SNAI1: variants seen among roughly 807,000 people sequenced by gnomAD.
SNAI1 encodes zinc finger protein SNAI1.
Under a neutral mutation model 24.7 loss-of-function variants are expected in SNAI1, and 15 were observed. That is an observed-to-expected ratio of 0.61 (90% CI 0.41 to 0.93). The LOEUF (loss-of-function observed/expected upper bound fraction) is 0.93, where lower values mean the gene tolerates loss of function less well. Among genes scored for constraint, SNAI1 ranks in the 40% least tolerant of loss-of-function variants. The pLI, the probability that SNAI1 is intolerant of heterozygous loss-of-function variation, is 0.00. For synonymous variants in SNAI1, 163 were observed against 142.9 expected, an observed-to-expected ratio of 1.14 and a Z score of -1.00; for missense variants, 283 against 336.7, an observed-to-expected ratio of 0.84 and a Z score of 1.25.
chr20:49,986,142 C>A (rs927151167), intron 2 of SNAI1, among the ~76,000 whole-genome samples: 11 of 152,136 alleles, frequency 7.2e-5, no homozygotes, highest in Non-Finnish European at 1.6e-4. Flanking sequence ...CAGAGTCAGC[C>A]CTTAGTTCAC....
intron 1 of SNAI1, 53 bp downstream of exon 1, chr20:49,983,194 C>A: frequency 1.4e-6 from 2 of 1,390,304 alleles, no homozygotes; most frequent in South Asian, 1.2e-5. Context: ...CAGGCGAAGG[C>A]TGCGTGGGGG....
Position 49,984,233 on chromosome 20 carries a change from C to T in SNAI1, c.492C>T (p.Leu164=), listed in dbSNP as rs778797151. The change falls in exon 2 of 3, where the codon CTC becomes CTT. Residue 164 remains leucine, a synonymous_variant. Transcript: ENST00000244050. ...GCAAATACTGCAACAAGGAATACCTCAGCCTGGGTGCCCTCAAGATGCACA... is the reference window on the plus strand; with the variant it reads ...GCAAATACTGCAACAAGGAATACCTTAGCCTGGGTGCCCTCAAGATGCACA... ...FNCKYCNKEY[L]SLGALKMHIR... is the part of the protein sequence containing the mutation. The T allele has an allele frequency of 2.5e-6, 4 of 1,614,122 alleles. No individual in the cohort carries two copies. The highest frequency in any genetic ancestry group is 2.7e-5 in the African/African-American group (2 of 74,952).
Position 49,988,007 on chromosome 20 carries a change from C to A in SNAI1, c.746C>A (p.Ser249Tyr). The change falls in exon 3 of 3, where the codon TCC becomes TAC. Residue 249 changes from serine (S) to tyrosine (Y), a missense_variant. By Grantham distance (144) the Ser-to-Tyr change is moderately radical (BLOSUM62 -2). Transcript: ENST00000244050. ...QACARTFSRMSLLHKHQESGC... is the reference protein window; with the variant it reads ...QACARTFSRMYLLHKHQESGC... ...TGTGCTCGGACCTTCTCCCGAATGTCCCTGCTCCACAAGCACCAAGAGTCC... is the reference window on the plus strand; with the variant it reads ...TGTGCTCGGACCTTCTCCCGAATGTACCTGCTCCACAAGCACCAAGAGTCC... 1 of 1,613,204 alleles carries A rather than the reference C, an allele frequency of 6.2e-7. No individual in the cohort carries two copies. The highest frequency in any genetic ancestry group is 8.5e-7 in the Non-Finnish European group (1 of 1,179,422).
Position 49,983,010 on chromosome 20 carries a change from T to C in SNAI1, c.-50T>C, listed in dbSNP as rs201084030. ...GCCGCGGCACGGCCTAGCGAGTGGT[T>C]CTTCTGCGCTACTGCTGCGCGAATC... On this transcript the variant is annotated 5_prime_UTR_variant, in exon 1 of 3. Coordinates refer to ENST00000244050, the MANE Select transcript of SNAI1 (RefSeq NM_005985.4). 13 of 1,336,146 alleles carry C rather than the reference T, an allele frequency of 9.7e-6. No homozygotes were observed. The highest frequency in any genetic ancestry group is 9.0e-5 in the Admixed American group (5 of 55,554). 82.8% of individuals were successfully genotyped at this position (1,336,146 alleles called of 1,614,324 possible).
intron 2 of SNAI1, 51 bp from the exon 3 acceptor site, chr20:49,987,821 G>A (rs375525704): frequency 6.4e-6 from 10 of 1,555,536 alleles, no homozygotes; most frequent in African/African-American, 1.4e-5. Context: ...TCCCATCACT[G>A]CCAGCCGTTG....
In SNAI1 at chr20:49,988,495, A is replaced by G. The variant is rs2078341639; in HGVS notation, c.*439A>G. On this transcript the variant is annotated 3_prime_UTR_variant, in exon 3 of 3. Transcript: ENST00000244050. ...GGCCACCCTCCACGAGGTGTGACTAACTATGCAATAATCCACCCCCAGGTG... is the reference window on the plus strand; with the variant it reads ...GGCCACCCTCCACGAGGTGTGACTAGCTATGCAATAATCCACCCCCAGGTG... 1.3e-5 allele frequency: 2 copies of G among 157,634 alleles called. No individual in the cohort carries two copies. The highest frequency in any genetic ancestry group is 4.8e-5 in the African/African-American group (2 of 41,604). The allele number at this position is 157,634 out of a possible 1,614,324, so 9.8% of individuals were successfully genotyped here. A position where few individuals can be genotyped will look rare whatever the true frequency, so the allele number is the denominator to read the frequency against.
In SNAI1 at chr20:49,988,329, G is replaced by A. The variant is rs2146881490; in HGVS notation, c.*273G>A. The A allele has an allele frequency of 2.4e-6, 1 of 418,886 alleles. No individual in the cohort carries two copies. Among genetic ancestry groups the A allele is most frequent in the East Asian group, 4.1e-5 (1 of 24,138 alleles). 25.9% of individuals were successfully genotyped at this position (418,886 alleles called of 1,614,324 possible). A position where few individuals can be genotyped will look rare whatever the true frequency, so the allele number is the denominator to read the frequency against. On this transcript the variant is annotated 3_prime_UTR_variant, in exon 3 of 3. Transcript: ENST00000244050. The stretch of plus-strand genomic sequence containing the variant: ...GGGGGATTCCTGAGCTGGCCTGTCT[G>A]CGTGGGTTTTTGTATCCAGAGCTGT...
rs765415220 is a variant in SNAI1, at chr20:49,983,043, C to T, written c.-17C>T. 6.2e-7 allele frequency: 1 copy of T among 1,608,844 alleles called. No homozygotes were observed. Among genetic ancestry groups the T allele is most frequent in the Admixed American group, 1.7e-5 (1 of 59,934 alleles). ...GCTACTGCTGCGCGAATCGGCGACC[C>T]CAGTGCCTCGACCACTATGCCGCGC... On this transcript the variant is annotated 5_prime_UTR_variant, in exon 1 of 3. Transcript: ENST00000244050.
chr20:49,986,293 C>T (rs978862039), intron 2 of SNAI1, among the ~76,000 whole-genome samples: 9 of 152,120 alleles, frequency 5.9e-5, no homozygotes, highest in Admixed American at 1.3e-4. Flanking sequence ...TCTATGTCCC[C>T]CACCCTTTGG....
chr20:49,983,242 G>A (rs1031257310), intron 1 of SNAI1, 101 bp downstream of exon 1: 81 of 895,632 alleles, frequency 9.0e-5, no homozygotes, highest in Non-Finnish European at 1.4e-4. Flanking sequence ...CCAGGATCGA[G>A]TCACAGGATG....
chr20:49,986,918 G>A lies in SNAI1; in HGVS notation c.611-954G>A, dbSNP rs141374859. Among the ~76,000 whole-genome samples the A allele has an allele frequency of 2.1e-3, 322 of 152,318 alleles. 1 individual carries two copies. The highest frequency in any genetic ancestry group is 7.5e-3 in the African/African-American group (312 of 41,572). On this transcript the variant is annotated intron_variant, in intron 2 of 2. Transcript: ENST00000244050. ...GATTGTTATGAGGCATGAGTGAGGG[G>A]GCAGACTCCTCTGAGGCCTCTTTAA...
intron 2 of SNAI1, among the ~76,000 whole-genome samples, chr20:49,984,776 C>T (rs1056342974): frequency 6.6e-6 from 1 of 152,228 alleles, no homozygotes; most frequent in African/African-American, 2.4e-5. Context: ...TGATGTTTCT[C>T]TTCTGTGAGC....
chr20:49,988,124 A>G lies in SNAI1; in HGVS notation c.*68A>G, dbSNP rs1488519117. On this transcript the variant is annotated 3_prime_UTR_variant, in exon 3 of 3. Coordinates refer to ENST00000244050, the MANE Select transcript of SNAI1 (RefSeq NM_005985.4). ...ACAGCCTTCCCCAGCTCCAGCAGGA[A>G]GGACCCCACATCCTTCTCACTGCCA... is the stretch of plus-strand genomic sequence containing the variant. 7 of 1,383,910 alleles carry G rather than the reference A, an allele frequency of 5.1e-6. No homozygotes were observed. The East Asian group carries it at 1.7e-4, about 33-fold the overall frequency. 85.7% of individuals were successfully genotyped at this position (1,383,910 alleles called of 1,614,324 possible). A position where few individuals can be genotyped will look rare whatever the true frequency, so the allele number is the denominator to read the frequency against.
intron 2 of SNAI1, among the ~76,000 whole-genome samples, chr20:49,984,585 A>G (rs2078328116): frequency 6.6e-6 from 1 of 152,230 alleles, no homozygotes; most frequent in Non-Finnish European, 1.5e-5. Flanking sequence ...TTCTCAGCCA[A>G]ATGGGTCGGA....
rs1012493118 is a variant in SNAI1 at position 49,982,987 on chromosome 20, C to A, written c.-73C>A. On this transcript the variant is annotated 5_prime_UTR_variant, in exon 1 of 3. Transcript: ENST00000244050. ...GGCGGCGCTGCTGCATTCATTGCGC[C>A]GCGGCACGGCCTAGCGAGTGGTTCT... 1 of 1,001,924 alleles carries A rather than the reference C, an allele frequency of 1.0e-6. No individual in the cohort carries two copies. The highest frequency in any genetic ancestry group is 1.3e-5 in the South Asian group (1 of 75,898). 62.1% of individuals were successfully genotyped at this position (1,001,924 alleles called of 1,614,324 possible). A position where few individuals can be genotyped will look rare whatever the true frequency, so the allele number is the denominator to read the frequency against.
At position 49,988,109 on chromosome 20, in the gene SNAI1, C is replaced by T; in HGVS notation, c.*53C>T. The T allele has an allele frequency of 6.7e-7, 1 of 1,486,582 alleles. No individual in the cohort carries two copies. The highest frequency in any genetic ancestry group is 1.3e-5 in the South Asian group (1 of 77,478). The allele number at this position is 1,486,582 out of a possible 1,614,324, so 92.1% of individuals were successfully genotyped here. On this transcript the variant is annotated 3_prime_UTR_variant, in exon 3 of 3. Coordinates refer to ENST00000244050, the MANE Select transcript of SNAI1 (RefSeq NM_005985.4). ...ACCTGCCCCTGCCTGACAGCCTTCC[C>T]CAGCTCCAGCAGGAAGGACCCCACA...
chr20:49,984,393 C>A, intron 2 of SNAI1, 42 bp downstream of exon 2: 1 of 1,512,946 alleles, frequency 6.6e-7, no homozygotes, highest in South Asian at 1.3e-5. Context: ...CTCTCTCTGG[C>A]AGCTTTTGTG....
rs1306992161 is a variant in SNAI1 at position 49,983,072 on chromosome 20, T to C, written c.13T>C (p.Phe5Leu). The C allele has an allele frequency of 6.2e-7, 1 of 1,613,654 alleles. No individual in the cohort carries two copies. The highest frequency in any genetic ancestry group is 8.5e-7 in the Non-Finnish European group (1 of 1,179,920). Residue 5 changes from phenylalanine to leucine, a missense_variant, in exon 1 of 3, where the codon TTC (phenylalanine) becomes CTC (leucine). By Grantham distance (22) the Phe-to-Leu change is conservative. Coordinates refer to ENST00000244050, the MANE Select transcript of SNAI1 (RefSeq NM_005985.4). MPRSFLVRKPSDPNR... is the reference protein window; with the variant it reads MPRSLLVRKPSDPNR... ...TGCCTCGACCACTATGCCGCGCTCT[T>C]TCCTCGTCAGGAAGCCCTCCGACCC...
chr20:49,983,801 T>A (rs776223287), intron 1 of SNAI1, 23 bp from the exon 2 acceptor site: 2 of 1,554,012 alleles, frequency 1.3e-6, no homozygotes. Context: ...AATTAACGCC[T>A]GACTCTGCTT....
Sources: gnomAD v4.1 joint callset for allele counts (sites outside exome capture counted in the v4.1 genomes callset) on GRCh38, gnomAD v4.1.1 for gene constraint, MANE v1.5 for transcripts, NCBI Gene and HGNC (gene_info 2026-07-23, HGNC 2026-07-21) for gene names.